Variants in PDZD11 observed in about 807,000 individuals in gnomAD.
PDZD11 encodes PDZ domain-containing protein 11.
PDZD11 carries 2 observed loss-of-function variants against 13.7 expected under a neutral mutation model. That is an observed-to-expected ratio of 0.15 (90% CI 0.06 to 0.46). The LOEUF (loss-of-function observed/expected upper bound fraction) is 0.46, where lower values mean the gene tolerates loss of function less well. Ranked by LOEUF, PDZD11 falls within the 20% of genes least tolerant of loss-of-function variation. The pLI is 0.98. For missense variants in PDZD11, 44 were observed against 111.7 expected, an observed-to-expected ratio of 0.39 and a Z score of 2.73; for synonymous variants, 32 against 37.5, an observed-to-expected ratio of 0.85 and a Z score of 0.54.
At chrX:70,288,999 G>A (rs1178088508) in intron 2 of PDZD11, among the ~76,000 whole-genome samples, 1 of 111,604 alleles carries the variant, frequency 9.0e-6, no homozygotes, top group Non-Finnish European at 1.9e-5. Flanking sequence ...CCACCGCGCT[G>A]AACCTCTTAA....
At chrX:70,287,949 C>T in intron 4 of PDZD11, 119 bp from the exon 5 acceptor site, 1 of 723,653 alleles carries the variant, frequency 1.4e-6, no homozygotes, top group Non-Finnish European at 2.1e-6. Flanking sequence ...TGTATGCAGA[C>T]AGATGGCCTG....
In PDZD11 at chrX:70,288,365, C is replaced by G. The variant is rs774578725; in HGVS notation, c.171+65G>C. The G allele has an allele frequency of 4.9e-6, 5 of 1,017,937 alleles. No homozygotes were observed. In the African/African-American group the frequency reaches 9.4e-5, roughly 19 times the overall value. 83.9% of individuals were successfully genotyped at this position (1,017,937 alleles called of 1,213,427 possible). A position where few individuals can be genotyped will look rare whatever the true frequency, so the allele number is the denominator to read the frequency against. ...CATCTGCACCTGCTTTCCAATCCATCCCCCCAACACTGCCAATTTGTGGTA... is the reference window on the plus strand; with the variant it reads ...CATCTGCACCTGCTTTCCAATCCATGCCCCCAACACTGCCAATTTGTGGTA... On this transcript the variant is annotated intron_variant, in intron 3 of 6. Transcript: ENST00000239666.
rs959625420 is a variant in PDZD11, at chrX:70,286,890, A to G, written c.*192T>C. 8 of 449,038 alleles carry G rather than the reference A, an allele frequency of 1.8e-5. No homozygotes were observed. In the South Asian group the frequency reaches 2.5e-4, roughly 14 times the overall value. The allele number at this position is 449,038 out of a possible 1,213,427, so 37.0% of individuals were successfully genotyped here. ...GCCTAGATATCATCATCCTCCTTTCAGGGAATGAAGCTCACCTAGAAAACT... is the reference window on the plus strand; with the variant it reads ...GCCTAGATATCATCATCCTCCTTTCGGGGAATGAAGCTCACCTAGAAAACT... On this transcript the variant is annotated 3_prime_UTR_variant, in exon 7 of 7. Coordinates refer to ENST00000239666, the MANE Select transcript of PDZD11 (RefSeq NM_016484.5).
intron 3 of PDZD11, 66 bp downstream of exon 3, chrX:70,288,364 T>TC: frequency 9.8e-7 from 1 of 1,023,381 alleles, no homozygotes; most frequent in Non-Finnish European, 1.4e-6. Context: ...TTCCAATCCA[T>TC]CCCCCCAACA....
At position 70,286,951 on chromosome X, in the gene PDZD11, A is replaced by G. The variant is rs761033690; in HGVS notation, c.*131T>C. The G allele has an allele frequency of 3.2e-4, 173 of 534,528 alleles. No individual in the cohort carries two copies. Among genetic ancestry groups the G allele is most frequent in the Non-Finnish European group, 5.3e-4 (168 of 319,088 alleles). 44.1% of individuals were successfully genotyped at this position (534,528 alleles called of 1,213,427 possible). A position where few individuals can be genotyped will look rare whatever the true frequency, so the allele number is the denominator to read the frequency against. ...AAGTGCAATATGGTTTGGGTAATGC[A>G]GTTGGTTAGCTGTCTCCCCATCCTC... On this transcript the variant is annotated 3_prime_UTR_variant, in exon 7 of 7. Coordinates refer to ENST00000239666, the MANE Select transcript of PDZD11 (RefSeq NM_016484.5).
At chrX:70,287,653 A>G in intron 5 of PDZD11, 79 bp downstream of exon 5, 1 of 751,736 alleles carries the variant, frequency 1.3e-6, no homozygotes, top group Middle Eastern at 4.0e-4. Flanking sequence ...TTATTAAGTT[A>G]CAGATTAGGC....
intron 1 of PDZD11, 178 bp from the exon 2 acceptor site, chrX:70,289,532 A>C: frequency 2.7e-6 from 2 of 748,800 alleles, no homozygotes; most frequent in Non-Finnish European, 3.7e-6. Flanking sequence ...TTAGCTAAAC[A>C]TCTTCTGGAT....
chrX:70,288,006 C>A (rs2085730187), intron 4 of PDZD11, 111 bp downstream of exon 4: 2 of 751,093 alleles, frequency 2.7e-6, no homozygotes, highest in South Asian at 2.4e-5. Context: ...CCATTATACC[C>A]CTTCTATGAA....
chrX:70,287,940 G>A (rs1257043716), intron 4 of PDZD11, 110 bp from the exon 5 acceptor site: 12 of 740,554 alleles, frequency 1.6e-5, no homozygotes, highest in Admixed American at 4.9e-5. Context: ...CTGTGACAAT[G>A]TATGCAGACA....
chrX:70,287,413 G>A, intron 5 of PDZD11, 77 bp from the exon 6 acceptor site: 1 of 870,128 alleles, frequency 1.1e-6, no homozygotes, highest in South Asian at 2.1e-5. Flanking sequence ...AAAGGGATTT[G>A]CCACTCCAAC....
At chrX:70,287,579 C>T (rs1326186401) in intron 5 of PDZD11, among the ~76,000 whole-genome samples, 153 bp downstream of exon 5, 3 of 111,281 alleles carry the variant, frequency 2.7e-5, no homozygotes, top group South Asian at 3.9e-4. Flanking sequence ...GTGATCCTCC[C>T]GCCTCAGCCT....
At chrX:70,289,400 A>G (rs781596320) in intron 1 of PDZD11, 46 bp from the exon 2 acceptor site, 14 of 1,175,915 alleles carry the variant, frequency 1.2e-5, no homozygotes, top group Admixed American at 5.0e-5. Flanking sequence ...CAAAAGGGAG[A>G]GCAGCCCAGC....
At chrX:70,289,217 A>G (rs760085633) in intron 2 of PDZD11, 38 bp downstream of exon 2, 9 of 1,118,139 alleles carry the variant, frequency 8.0e-6, no homozygotes, top group Admixed American at 2.4e-5. Flanking sequence ...GCCCACGGGG[A>G]AAAAAATCTC....
chrX:70,287,394 A>C, intron 5 of PDZD11, 58 bp from the exon 6 acceptor site: 2 of 1,019,394 alleles, frequency 2.0e-6, no homozygotes, highest in Non-Finnish European at 2.8e-6. Context: ...ACAGAATCAT[A>C]ATAGGGGGAA....
chrX:70,288,803 C>T (rs1367503957), intron 2 of PDZD11, among the ~76,000 whole-genome samples: 1 of 108,344 alleles, frequency 9.2e-6, no homozygotes, highest in Non-Finnish European at 1.9e-5. Context: ...CTCCCAGGTT[C>T]AAGCAATTCT....
At chrX:70,289,599 A>C in intron 1 of PDZD11, 2 of 387,132 alleles carry the variant, frequency 5.2e-6, no homozygotes, top group South Asian at 4.5e-5. Flanking sequence ...CAATCCTGCA[A>C]AACAGATGTT....
rs2085720570 is a variant in PDZD11, at chrX:70,286,728, G to A, written c.*354C>T. On this transcript the variant is annotated 3_prime_UTR_variant, in exon 7 of 7. Coordinates refer to ENST00000239666, the MANE Select transcript of PDZD11 (RefSeq NM_016484.5). ...AGGATGGGATAAGATGGCCAGGGAAGTCAGATGGAAAATCCCCAAGATTCT... is the reference window on the plus strand; with the variant it reads ...AGGATGGGATAAGATGGCCAGGGAAATCAGATGGAAAATCCCCAAGATTCT... 5.4e-6 allele frequency: 1 copy of A among 184,332 alleles called. No homozygotes were observed. Among genetic ancestry groups the A allele is most frequent in the African/African-American group, 3.0e-5 (1 of 33,589 alleles). The allele number at this position is 184,332 out of a possible 1,213,427, so 15.2% of individuals were successfully genotyped here. A position where few individuals can be genotyped will look rare whatever the true frequency, so the allele number is the denominator to read the frequency against.
rs1366941463 is a variant in PDZD11, at chrX:70,288,158, G to A, written c.187C>T (p.Arg63Ter). Residue 63 changes from arginine (R) to a stop codon, truncating the protein, a stop_gained, in exon 4 of 7, where the codon CGA (arginine) becomes TGA (stop). Transcript: ENST00000239666. LOFTEE classifies it high-confidence loss of function. ...CCTAGCTGGGAGGCCTTTCCTCCTCGGATGTTAAATCCCAACTGTAAGACA... is the reference window on the plus strand; with the variant it reads ...CCTAGCTGGGAGGCCTTTCCTCCTCAGATGTTAAATCCCAACTGTAAGACA... ...PPGAQLGFNI[R>*]GGKASQLGIF... The A allele has an allele frequency of 1.7e-6, 2 of 1,207,262 alleles. No homozygotes were observed. Among genetic ancestry groups the A allele is most frequent in the East Asian group, 3.0e-5 (1 of 33,769 alleles).
intron 2 of PDZD11, among the ~76,000 whole-genome samples, chrX:70,288,993 C>T (rs1018456461): frequency 9.0e-6 from 1 of 111,692 alleles, no homozygotes; most frequent in Non-Finnish European, 1.9e-5. Context: ...CATGAGCCAC[C>T]GCGCTGAACC....
Sources: gnomAD v4.1 joint callset for allele counts (sites outside exome capture counted in the v4.1 genomes callset) on GRCh38, gnomAD v4.1.1 for gene constraint, MANE v1.5 for transcripts, NCBI Gene and HGNC (gene_info 2026-07-23, HGNC 2026-07-21) for gene names.